Variants in GRM7 observed in about 807,000 individuals in gnomAD.
The protein encoded by GRM7 is glutamate metabotropic receptor 7.
GRM7 carries 35 observed loss-of-function variants against 84.5 expected under a neutral mutation model. The ratio of observed to expected loss-of-function variants is 0.41; its 90% CI spans 0.32 to 0.55. The LOEUF (loss-of-function observed/expected upper bound fraction) is 0.55. Among genes scored for constraint, GRM7 ranks in the 20% least tolerant of loss-of-function variants. The pLI, the probability that GRM7 is intolerant of heterozygous loss-of-function variation, is 0.19. For synonymous variants in GRM7, 487 were observed against 455.1 expected (o/e 1.07, Z -0.89); for missense variants, 1,003 against 1,194.6 (o/e 0.84, Z 2.36).
chr3:7,109,854 T>C (rs746433505), intron 1 of GRM7, among the ~76,000 whole-genome samples: 1 of 152,128 alleles, frequency 6.6e-6, no homozygotes. Flanking sequence ...TTGTTGTGGA[T>C]AGTATGTTCA....
chr3:7,636,125 G>T (rs1021418951), intron 8 of GRM7: 12 of 422,850 alleles, frequency 2.8e-5, no homozygotes, highest in Admixed American at 5.0e-5. Flanking sequence ...CTACCTAGAG[G>T]TTGTTCATTT....
chr3:7,651,677 T>C (rs1698946871), intron 8 of GRM7, among the ~76,000 whole-genome samples: 1 of 152,134 alleles, frequency 6.6e-6, no homozygotes, highest in African/African-American at 2.4e-5. Context: ...TCCAAAGAGG[T>C]CCTCTTCTCT....
chr3:7,473,023 T>A (rs1041982673), intron 7 of GRM7, among the ~76,000 whole-genome samples: 3 of 152,144 alleles, frequency 2.0e-5, no homozygotes, highest in African/African-American at 4.8e-5. Flanking sequence ...TATACCCAGC[T>A]CTCACATTCT....
At chr3:7,521,239 T>C (rs559497445) in intron 7 of GRM7, among the ~76,000 whole-genome samples, 4 of 152,314 alleles carry the variant, frequency 2.6e-5, no homozygotes, top group African/African-American at 9.6e-5. Context: ...TCCCAGTGCC[T>C]TCGATGTTCC....
At chr3:7,429,496 T>C (rs931635448) in intron 5 of GRM7, among the ~76,000 whole-genome samples, 2 of 152,216 alleles carry the variant, frequency 1.3e-5, no homozygotes, top group African/African-American at 4.8e-5. Flanking sequence ...TTTTTCCATA[T>C]GTTTGGGTAT....
rs562290976 is a variant in GRM7, at chr3:7,643,460, A to C, written c.2452-36589A>C. ...AGGTGGCCAGGCCTTGAGAATTTTA[A>C]AGAGAAGTTGGAAATCCAGAGTTTT... On this transcript the variant is annotated intron_variant, in intron 8 of 9. Transcript: ENST00000357716. 7.2e-5 allele frequency among the ~76,000 whole-genome samples: 11 copies of C among 152,336 alleles called. No homozygotes were observed. The South Asian group carries it at 8.3e-4, about 11-fold the overall frequency.
At chr3:7,015,987 G>T (rs1363868240) in intron 1 of GRM7, among the ~76,000 whole-genome samples, 2 of 152,100 alleles carry the variant, frequency 1.3e-5, no homozygotes, top group African/African-American at 2.4e-5. Context: ...AGGATTTTTT[G>T]ATATATTTTA....
intron 4 of GRM7, among the ~76,000 whole-genome samples, chr3:7,355,367 A>C (rs1293982094): frequency 6.6e-6 from 1 of 152,050 alleles, no homozygotes; most frequent in Non-Finnish European, 1.5e-5. Context: ...AAATCTCTGC[A>C]ATAGGTCCAG....
chr3:6,917,256 T>C (rs748515222), intron 1 of GRM7, among the ~76,000 whole-genome samples: 11 of 152,138 alleles, frequency 7.2e-5, no homozygotes, highest in Non-Finnish European at 1.3e-4. Context: ...GTTGCTCAGT[T>C]TGCTAAATTA....
In GRM7 at chr3:7,486,081, A is replaced by G. The variant is rs779732; in HGVS notation, c.1515+24359A>G. Among the ~76,000 whole-genome samples the G allele has an allele frequency of 0.4, 60,381 of 151,988 alleles. 12,661 individuals carry two copies. Among genetic ancestry groups the G allele is most frequent in the African/African-American group, 0.54 (22,213 of 41,434 alleles). On this transcript the variant is annotated intron_variant, in intron 7 of 9. Coordinates refer to ENST00000357716, the MANE Select transcript of GRM7 (RefSeq NM_000844.4). The surrounding 1 kb of genome is among the most constrained non-coding windows in gnomAD (Gnocchi z 5.5). ...TTGAGATAAACTTTAAAGTTCTTCA[A>G]AGAGTCAAAGGATGAGATAAAATAT...
At chr3:7,056,504 C>T (rs558235889) in intron 1 of GRM7, among the ~76,000 whole-genome samples, 1 of 152,082 alleles carries the variant, frequency 6.6e-6, no homozygotes, top group Admixed American at 6.6e-5. Context: ...CATTTTGAGA[C>T]ATTTAGGACC....
At chr3:7,239,428 A>G (rs574756719) in intron 2 of GRM7, among the ~76,000 whole-genome samples, 71 of 152,278 alleles carry the variant, frequency 4.7e-4, no homozygotes, top group African/African-American at 1.7e-3. Flanking sequence ...TTGCTCATCT[A>G]TGAAATATGG....
rs1448142140 is a variant in GRM7 at position 7,176,531 on chromosome 3, T to TA, written c.736+29864dup. 2.6e-5 allele frequency among the ~76,000 whole-genome samples: 4 copies of TA among 152,236 alleles called. No homozygotes were observed. The East Asian group carries it at 7.7e-4, about 29-fold the overall frequency. On this transcript the variant is annotated intron_variant, in intron 2 of 9. Coordinates refer to ENST00000357716, the MANE Select transcript of GRM7 (RefSeq NM_000844.4). ...CAGAAAATATACGCAATTGACCTGC[T>TA]ACATTTATCTGCAAAAACTGAGTAA...
At position 7,298,779 on chromosome 3, in the gene GRM7, C is replaced by T; in HGVS notation, c.832C>T (p.Pro278Ser). The T allele has an allele frequency of 1.2e-6, 2 of 1,613,608 alleles. No homozygotes were observed. The highest frequency in any genetic ancestry group is 1.7e-6 in the Non-Finnish European group (2 of 1,179,586). Residue 278 changes from proline to serine, a missense_variant, in exon 3 of 10, where the codon CCC becomes TCC. Pro to Ser is a moderately conservative substitution (Grantham distance 74). This residue lies in a region of GRM7 where 910 missense variants were observed against 1,126.0 expected (regional missense o/e 0.81). Coordinates refer to ENST00000357716, the MANE Select transcript of GRM7 (RefSeq NM_000844.4). ...DRIIKQLLDT[P>S]NSRAVVIFAN... ...AATTATCAAACAGCTCCTGGACACCCCCAACTCCAGGGCCGTCGTGATTTT... is the reference window on the plus strand; with the variant it reads ...AATTATCAAACAGCTCCTGGACACCTCCAACTCCAGGGCCGTCGTGATTTT...
At chr3:7,574,893 C>A (rs901889983) in intron 7 of GRM7, among the ~76,000 whole-genome samples, 2 of 152,120 alleles carry the variant, frequency 1.3e-5, no homozygotes, top group African/African-American at 2.4e-5. Flanking sequence ...GGGTTACAAC[C>A]CTTTGCTCTT....
intron 9 of GRM7, among the ~76,000 whole-genome samples, chr3:7,703,975 A>C (rs1701309351): frequency 6.6e-6 from 1 of 152,218 alleles, no homozygotes. Context: ...CCAATTTCTA[A>C]ACCCATCCAT....
intron 5 of GRM7, among the ~76,000 whole-genome samples, chr3:7,424,448 T>C (rs986923788): frequency 6.6e-6 from 1 of 152,196 alleles, no homozygotes; most frequent in African/African-American, 2.4e-5. Context: ...CAAAAACTTG[T>C]ATGTGTTTAC....
At chr3:7,258,392 G>T (rs1298407869) in intron 2 of GRM7, among the ~76,000 whole-genome samples, 1 of 152,116 alleles carries the variant, frequency 6.6e-6, no homozygotes, top group East Asian at 1.9e-4. Context: ...CTACGGCCTG[G>T]GGTGTAAAGA....
intron 7 of GRM7, among the ~76,000 whole-genome samples, chr3:7,496,447 A>C (rs1209905099): frequency 6.6e-6 from 1 of 152,220 alleles, no homozygotes; most frequent in African/African-American, 2.4e-5. Flanking sequence ...TTTTTTAAAA[A>C]ATGATGTCAT....
Sources: allele counts gnomAD v4.1 joint callset (sites outside exome capture counted in the v4.1 genomes callset), GRCh38; gene constraint gnomAD v4.1.1; regional missense constraint gnomAD v4.1.1; non-coding constraint Gnocchi (gnomAD v3.1); transcripts MANE v1.5; gene names NCBI Gene and HGNC (gene_info 2026-07-23, HGNC 2026-07-21).